The following UTRN variants were observed in gnomAD, a reference collection of about 807,000 sequenced individuals.
UTRN encodes the protein utrophin.
In UTRN, 283 loss-of-function variants were observed where a neutral mutation model predicts 463.9. The ratio of observed to expected loss-of-function variants is 0.61; its 90% CI spans 0.55 to 0.67. UTRN has a LOEUF of 0.67. Among genes scored for constraint, UTRN ranks in the 30% least tolerant of loss-of-function variants. UTRN has a pLI of 0.00. For missense variants in UTRN, 3,922 were observed against 4,084.3 expected (o/e 0.96, Z 1.08); for synonymous variants, 1,442 against 1,431.5 (o/e 1.01, Z -0.17).
intron 60 of UTRN, among the ~76,000 whole-genome samples, chr6:144,781,062 T>A (rs1192740442): frequency 6.6e-6 from 1 of 152,212 alleles, no homozygotes; most frequent in Non-Finnish European, 1.5e-5. Flanking sequence ...GCCATCAGTA[T>A]GTCTTTGAGA....
intron 54 of UTRN, among the ~76,000 whole-genome samples, chr6:144,737,109 C>T (rs1789502351): frequency 6.6e-6 from 1 of 152,122 alleles, no homozygotes; most frequent in African/African-American, 2.4e-5. Flanking sequence ...TGATTACCCT[C>T]ATTGATGGAG....
At chr6:144,799,084 G>A (rs530071533) in intron 64 of UTRN, among the ~76,000 whole-genome samples, 2 of 152,204 alleles carry the variant, frequency 1.3e-5, no homozygotes, top group South Asian at 2.1e-4. Context: ...GTACCAATAC[G>A]GTGATTCTCT....
chr6:144,309,519 TA>T (rs1806055723), intron 2 of UTRN, among the ~76,000 whole-genome samples: 1 of 152,248 alleles, frequency 6.6e-6, no homozygotes, highest in African/African-American at 2.4e-5. Context: ...CTTTCTCGTA[TA>T]CCCACATCCA....
intron 54 of UTRN, among the ~76,000 whole-genome samples, chr6:144,740,458 A>T (rs1401251892): frequency 2.0e-5 from 3 of 152,162 alleles, no homozygotes; most frequent in Non-Finnish European, 4.4e-5. Context: ...TTTAATTTTC[A>T]TATAAAAATT....
chr6:144,491,682 G>A (rs1793089369), intron 32 of UTRN, among the ~76,000 whole-genome samples: 1 of 152,168 alleles, frequency 6.6e-6, no homozygotes, highest in African/African-American at 2.4e-5. Context: ...CTTAAGATGA[G>A]ACTCTTTAGG....
chr6:144,447,751 G>T lies in UTRN; in HGVS notation c.1872G>T (p.Leu624Phe). 1 of 1,613,434 alleles carries T rather than the reference G, an allele frequency of 6.2e-7. No homozygotes were observed. Among genetic ancestry groups the T allele is most frequent in the Non-Finnish European group, 8.5e-7 (1 of 1,179,684 alleles). ...AACTGACTCAAAGATGGGATTCTTT[G>T]GTTCAGAGACTAGAAGATTCCTCCA... is the stretch of plus-strand genomic sequence containing the variant. Reference protein sequence around the residue: ...SEELTQRWDSLVQRLEDSSNQ... With the variant: ...SEELTQRWDSFVQRLEDSSNQ... Residue 624 changes from leucine (L) to phenylalanine (F), a missense_variant, in exon 16 of 75, where the codon TTG (leucine) becomes TTT (phenylalanine). Coordinates refer to ENST00000367545, the MANE Select transcript of UTRN (RefSeq NM_007124.3).
At chr6:144,815,303 A>T (rs1212588819) in intron 65 of UTRN, among the ~76,000 whole-genome samples, 1 of 152,224 alleles carries the variant, frequency 6.6e-6, no homozygotes, top group Non-Finnish European at 1.5e-5. Context: ...AATGTTAGAC[A>T]TGGTGATGTT....
In UTRN at chr6:144,286,929, C is replaced by T. The variant is rs1444689985; in HGVS notation, c.-93+1108C>T. Among the ~76,000 whole-genome samples the T allele has an allele frequency of 6.6e-6, 1 of 152,190 alleles. No individual in the cohort carries two copies. Among genetic ancestry groups the T allele is most frequent in the African/African-American group, 2.4e-5 (1 of 41,424 alleles). On this transcript the variant is annotated intron_variant, in intron 1 of 74. Transcript: ENST00000367545. The surrounding 1 kb of genome is among the most constrained non-coding windows in gnomAD (Gnocchi z 4.4). ...CACCAGGGCCTTGCGGGCCAGTTCCCCCTGCCGCGGTTGGGAGGGTCAGTG... is the reference window on the plus strand; with the variant it reads ...CACCAGGGCCTTGCGGGCCAGTTCCTCCTGCCGCGGTTGGGAGGGTCAGTG...
At chr6:144,660,094 G>A (rs1240878555) in intron 51 of UTRN, 1 of 414,866 alleles carries the variant, frequency 2.4e-6, no homozygotes, top group Non-Finnish European at 5.0e-6. Flanking sequence ...CATAGCTCAA[G>A]GGCAAGGCTT....
At chr6:144,410,825 T>C (rs1482844750) in intron 3 of UTRN, among the ~76,000 whole-genome samples, 2 of 147,308 alleles carry the variant, frequency 1.4e-5, no homozygotes, top group Admixed American at 1.4e-4. Flanking sequence ...TGTGTGTATA[T>C]ACACACCACA....
intron 2 of UTRN, chr6:144,398,536 G>C: frequency 3.8e-6 from 1 of 265,250 alleles, no homozygotes; most frequent in Admixed American, 4.3e-5. Flanking sequence ...CTGGATATCA[G>C]GATCATTATC....
chr6:144,514,296 T>C (rs1795425962), intron 36 of UTRN, among the ~76,000 whole-genome samples: 1 of 152,254 alleles, frequency 6.6e-6, no homozygotes, highest in South Asian at 2.1e-4. Flanking sequence ...GTCTTGCTGA[T>C]TGCTGACTTT....
chr6:144,308,666 A>G (rs1439694454), intron 2 of UTRN, among the ~76,000 whole-genome samples: 3 of 152,052 alleles, frequency 2.0e-5, no homozygotes, highest in Non-Finnish European at 4.4e-5. Flanking sequence ...TACCACATCT[A>G]TCCTCAACCA....
chr6:144,840,834 T>A lies in UTRN; in HGVS notation c.10270+2T>A. 1 of 1,613,898 alleles carries A rather than the reference T, an allele frequency of 6.2e-7. No homozygotes were observed. Reference sequence around the variant, plus strand: ...ACAGCACGTTTCCATCTTGCTGCCGTGAGTATGAAAGATTGCAGCACCACA... The same window carrying A: ...ACAGCACGTTTCCATCTTGCTGCCGAGAGTATGAAAGATTGCAGCACCACA... On this transcript the variant is annotated splice_donor_variant, in intron 73 of 74. Transcript: ENST00000367545. LOFTEE classifies it high-confidence loss of function.
intron 60 of UTRN, 95 bp downstream of exon 60, chr6:144,774,459 C>A: frequency 1.8e-6 from 2 of 1,124,434 alleles, no homozygotes; most frequent in Non-Finnish European, 2.5e-6. Flanking sequence ...GAGTGTTTGC[C>A]AAGTTAATCT....
chr6:144,710,634 A>G (rs1216399391), intron 53 of UTRN, among the ~76,000 whole-genome samples: 1 of 152,248 alleles, frequency 6.6e-6, no homozygotes, highest in African/African-American at 2.4e-5. Context: ...AACAATACAT[A>G]AACATTTGAG....
At chr6:144,453,698 G>T in intron 18 of UTRN, 84 bp from the exon 19 acceptor site, 1 of 1,065,848 alleles carries the variant, frequency 9.4e-7, no homozygotes. Flanking sequence ...ATGTAGGAGG[G>T]CCATTCAACT....
intron 2 of UTRN, among the ~76,000 whole-genome samples, 194 bp from the exon 3 acceptor site, chr6:144,402,929 T>C (rs534900182): frequency 6.6e-6 from 1 of 152,192 alleles, no homozygotes; most frequent in South Asian, 2.1e-4. Flanking sequence ...CTCCCTCTGT[T>C]GTAGGCAGTG....
At chr6:144,701,713 A>G (rs1784608091) in intron 53 of UTRN, among the ~76,000 whole-genome samples, 1 of 152,228 alleles carries the variant, frequency 6.6e-6, no homozygotes, top group Non-Finnish European at 1.5e-5. Context: ...AAAAATGACA[A>G]ACACGAATGC....
Sources: gnomAD v4.1 joint callset for allele counts (sites outside exome capture counted in the v4.1 genomes callset) on GRCh38, gnomAD v4.1.1 for gene constraint, Gnocchi (gnomAD v3.1) non-coding constraint, MANE v1.5 for transcripts, NCBI Gene and HGNC (gene_info 2026-07-23, HGNC 2026-07-21) for gene names.